The following PKD1L3 variants were observed in gnomAD, a reference collection of about 807,000 sequenced individuals.
The protein encoded by PKD1L3 is polycystin 1 like 3, transient receptor potential channel interacting, also known as polycystin-1-like protein 3.
Under a neutral mutation model 184.1 loss-of-function variants are expected in PKD1L3, and 239 were observed. The observed-to-expected ratio is 1.30, with a 90% CI of 1.17 to 1.45. The LOEUF (loss-of-function observed/expected upper bound fraction) is 1.45, where lower values mean the gene tolerates loss of function less well. Ranked by LOEUF, PKD1L3 falls within the 40% of genes most tolerant of loss-of-function variation. The probability of loss-of-function intolerance (pLI) is 0.00; values close to 1 mark genes in which losing one functional copy is unlikely to be tolerated. For synonymous variants in PKD1L3, 996 were observed against 778.8 expected, an observed-to-expected ratio of 1.28 and a Z score of -4.64; for missense variants, 2,660 against 2,067.2, an observed-to-expected ratio of 1.29 and a Z score of -5.56.
rs998051906 is a variant in PKD1L3, at chr16:71,977,267, G to A, written c.1728C>T (p.Ile576=). ...GCCACACCTTATCCTTTGGAAGGGTGATGTTCAGGTGGAAGTGAGTGCAGT... is the reference window on the plus strand; with the variant it reads ...GCCACACCTTATCCTTTGGAAGGGTAATGTTCAGGTGGAAGTGAGTGCAGT... ...QPNCTHFHLN[I]TLPKDKVWQK... The change falls in exon 11 of 30, where the codon ATC becomes ATT. Residue 576 remains isoleucine, a synonymous_variant. Coordinates refer to ENST00000620267, the MANE Select transcript of PKD1L3 (RefSeq NM_181536.2). 3.9e-6 allele frequency: 6 copies of A among 1,534,036 alleles called. No individual in the cohort carries two copies. Among genetic ancestry groups the A allele is most frequent in the Middle Eastern group, 1.7e-4 (1 of 5,978 alleles).
intron 2 of PKD1L3, among the ~76,000 whole-genome samples, chr16:71,993,862 C>A (rs1400292399): frequency 1.3e-5 from 2 of 152,172 alleles, no homozygotes; most frequent in Non-Finnish European, 2.9e-5. Context: ...GCAATCTGCA[C>A]CTTCTGGGTT....
In PKD1L3 at chr16:71,990,162, T is replaced by C. The variant is rs774728545; in HGVS notation, c.585+118A>G. 3.8e-5 allele frequency: 31 copies of C among 825,474 alleles called. No individual in the cohort carries two copies. In the East Asian group the frequency reaches 5.6e-4, roughly 15 times the overall value. 51.1% of individuals were successfully genotyped at this position (825,474 alleles called of 1,614,324 possible). ...TTTTTCTTGCACGTAAGTACTTTAT[T>C]TTCCTTATTAGAAAACTATATTCAG... On this transcript the variant is annotated intron_variant, in intron 4 of 29. Coordinates refer to ENST00000620267, the MANE Select transcript of PKD1L3 (RefSeq NM_181536.2).
chr16:71,954,187 G>C lies in PKD1L3; in HGVS notation c.2727C>G (p.Cys909Trp), dbSNP rs1191356323. 1 of 1,551,812 alleles carries C rather than the reference G, an allele frequency of 6.4e-7. No homozygotes were observed. The highest frequency in any genetic ancestry group is 2.0e-5 in the Admixed American group (1 of 50,944). ...QFTRVQRLSC[C>W]MTLLLCNMVI... ...CCATGTTGCAGAGTAGCAGTGTCAT[G>C]CAGCAAGACAGCCGTTGGACCCTTG... The change falls in exon 17 of 30, where the codon TGC becomes TGG. Residue 909 changes from cysteine (C) to tryptophan (W), a missense_variant. Transcript: ENST00000620267.
chr16:71,945,325 TATACACAC>T (rs1245335392), intron 22 of PKD1L3, among the ~76,000 whole-genome samples: 8 of 68,102 alleles, frequency 1.2e-4, no homozygotes, highest in South Asian at 1.6e-3. Context: ...CACACACATA[TATACACAC>T]ACACACACAT....
Position 71,943,040 on chromosome 16 carries a change from A to G in PKD1L3, c.3860-16T>C, listed in dbSNP as rs562884373. On this transcript the variant is annotated splice_polypyrimidine_tract_variant and intron_variant, in intron 23 of 29. Transcript: ENST00000620267. ...AGGATTTGTACTTGTTTAGAAGAGG[A>G]AAAAAATGTCATAGTTGAGTGGTTA... The G allele has an allele frequency of 2.7e-6, 4 of 1,508,848 alleles. No individual in the cohort carries two copies. The highest frequency in any genetic ancestry group is 2.5e-5 in the South Asian group (2 of 81,476). The allele number at this position is 1,508,848 out of a possible 1,614,324, so 93.5% of individuals were successfully genotyped here.
intron 21 of PKD1L3, 142 bp downstream of exon 21, chr16:71,949,641 C>T: frequency 1.3e-6 from 1 of 791,032 alleles, no homozygotes; most frequent in South Asian, 1.8e-5. Flanking sequence ...GTGTGAGCCA[C>T]TACACCCAGC....
chr16:71,940,330 A>C (rs2038318402), intron 24 of PKD1L3, among the ~76,000 whole-genome samples: 1 of 152,116 alleles, frequency 6.6e-6, no homozygotes, highest in South Asian at 2.1e-4. Flanking sequence ...TACGTGCTGC[A>C]TGGTGAGACA....
rs1183427781 is a variant in PKD1L3, at chr16:71,986,390, G to C, written c.665C>G (p.Ser222Cys). 20 of 1,551,690 alleles carry C rather than the reference G, an allele frequency of 1.3e-5. No homozygotes were observed. Among genetic ancestry groups the C allele is most frequent in the Middle Eastern group, 3.3e-4 (2 of 6,008 alleles). The part of the protein sequence containing the change: ...SITSQVTSAA[S>C]EPSSQPLPVI... Reference sequence around the variant, plus strand: ...AGGGAGAGGCTGGCTGCTGGGTTCAGATGCGGCTGATGTTACCTGTGATGT... The same window carrying C: ...AGGGAGAGGCTGGCTGCTGGGTTCACATGCGGCTGATGTTACCTGTGATGT... The change falls in exon 5 of 30, where the codon TCT becomes TGT. Residue 222 changes from serine to cysteine, a missense_variant. By Grantham distance (112) the Ser-to-Cys change is moderately radical. Transcript: ENST00000620267.
At position 71,933,942 on chromosome 16, in the gene PKD1L3, T is replaced by G. The variant is rs1048137066; in HGVS notation, c.4797A>C (p.Leu1599=). 1.7e-5 allele frequency: 26 copies of G among 1,551,202 alleles called. No homozygotes were observed. The highest frequency in any genetic ancestry group is 1.7e-4 in the Middle Eastern group (1 of 6,008). Residue 1599 remains leucine, a synonymous_variant, in exon 27 of 30, where the codon CTA becomes CTC. Coordinates refer to ENST00000620267, the MANE Select transcript of PKD1L3 (RefSeq NM_181536.2). Reference sequence around the variant, plus strand: ...CAATGGCATAGCCTGTCAGCAGGATTAGGATGATCAGCAGAAAGCCCACCA... The same window carrying G: ...CAATGGCATAGCCTGTCAGCAGGATGAGGATGATCAGCAGAAAGCCCACCA... ...DEVVGFLLII[L]ILLTGYAIAF...
chr16:71,944,567 C>A (rs572618545), intron 22 of PKD1L3, among the ~76,000 whole-genome samples: 1 of 152,118 alleles, frequency 6.6e-6, no homozygotes, highest in South Asian at 2.1e-4. Context: ...CCTGTGGTCC[C>A]GGCTACTAGG....
intron 14 of PKD1L3, among the ~76,000 whole-genome samples, chr16:71,967,589 T>A (rs1437510906): frequency 6.6e-6 from 1 of 152,158 alleles, no homozygotes; most frequent in Non-Finnish European, 1.5e-5. Flanking sequence ...CTCAACCTCC[T>A]GAGTAGCTGT....
chr16:71,950,273 C>T lies in PKD1L3; in HGVS notation c.3228G>A (p.Leu1076=). ...PENHHHFCCY[L]HRVLQRLKSH... ...ATTTCAGCCTCTGCAGAACTCTATG[C>T]AGGTAACAGCAGAAATGATGGTGGT... Residue 1076 remains leucine (L), a synonymous_variant, in exon 20 of 30, where the codon CTG becomes CTA. Transcript: ENST00000620267. 6.5e-7 allele frequency: 1 copy of T among 1,542,012 alleles called. No individual in the cohort carries two copies. The highest frequency in any genetic ancestry group is 8.8e-7 in the Non-Finnish European group (1 of 1,141,152).
intron 11 of PKD1L3, among the ~76,000 whole-genome samples, chr16:71,974,143 A>T (rs530481007): frequency 3.3e-4 from 50 of 152,304 alleles, no homozygotes; most frequent in African/African-American, 1.2e-3. Flanking sequence ...AAGGTAACAA[A>T]CCCCAGGGTG....
chr16:71,949,413 C>T (rs1006887634), intron 21 of PKD1L3, among the ~76,000 whole-genome samples: 1 of 148,656 alleles, frequency 6.7e-6, no homozygotes, highest in Non-Finnish European at 1.5e-5. Flanking sequence ...AGTACAGTGG[C>T]GCAATCACGG....
chr16:71,967,887 A>G lies in PKD1L3; in HGVS notation c.2286+19T>C. The G allele has an allele frequency of 6.5e-7, 1 of 1,537,704 alleles. No individual in the cohort carries two copies. The highest frequency in any genetic ancestry group is 2.0e-5 in the Admixed American group (1 of 50,428). Reference sequence around the variant, plus strand: ...GGCAGAAGACACAAGGCAATGTGAAAAACATTTATTTCATTAACCTTAGCT... The same window carrying G: ...GGCAGAAGACACAAGGCAATGTGAAGAACATTTATTTCATTAACCTTAGCT... On this transcript the variant is annotated intron_variant, in intron 14 of 29. Coordinates refer to ENST00000620267, the MANE Select transcript of PKD1L3 (RefSeq NM_181536.2).
At chr16:71,953,336 A>G (rs2038921132) in intron 17 of PKD1L3, among the ~76,000 whole-genome samples, 1 of 152,172 alleles carries the variant, frequency 6.6e-6, no homozygotes, top group Non-Finnish European at 1.5e-5. Flanking sequence ...ATGAAGGCAC[A>G]ATGTATTAGT....
chr16:71,970,594 G>C (rs1351404676), intron 12 of PKD1L3, among the ~76,000 whole-genome samples: 1 of 152,058 alleles, frequency 6.6e-6, no homozygotes, highest in Non-Finnish European at 1.5e-5. Flanking sequence ...GATCACCTGA[G>C]GCTAGGAGTT....
Position 72,000,257 on chromosome 16 carries a change from A to G in PKD1L3, c.-279T>C, listed in dbSNP as rs1390497630. 6.6e-6 allele frequency among the ~76,000 whole-genome samples: 1 copy of G among 152,164 alleles called. No homozygotes were observed. The highest frequency in any genetic ancestry group is 1.5e-5 in the Non-Finnish European group (1 of 68,028). ...CTTTAGCAAATAGAGATCGATTATAAAGCTGAGTCTAAGCTGCACTGGGTA... is the reference window on the plus strand; with the variant it reads ...CTTTAGCAAATAGAGATCGATTATAGAGCTGAGTCTAAGCTGCACTGGGTA... On this transcript the variant is annotated 5_prime_UTR_variant, in exon 1 of 30. Transcript: ENST00000620267.
chr16:71,931,092 ATTTG>A (rs748642734), intron 28 of PKD1L3: 31 of 152,148 alleles, frequency 2.0e-4, no homozygotes, highest in Non-Finnish European at 4.0e-4. Flanking sequence ...TGTTTGCTCT[ATTTG>A]TTTTTTAATG....
Sources: allele counts gnomAD v4.1 joint callset (sites outside exome capture counted in the v4.1 genomes callset), GRCh38; gene constraint gnomAD v4.1.1; transcripts MANE v1.5; gene names NCBI Gene and HGNC (gene_info 2026-07-23, HGNC 2026-07-21).